PDE4D: variants seen among roughly 807,000 people sequenced by gnomAD.
PDE4D encodes the protein 3',5'-cyclic-AMP phosphodiesterase 4D.
PDE4D carries 24 observed loss-of-function variants against 87.4 expected under a neutral mutation model. The ratio of observed to expected loss-of-function variants is 0.27; its 90% CI spans 0.20 to 0.39. The LOEUF (loss-of-function observed/expected upper bound fraction) is 0.39. Ranked by LOEUF, PDE4D falls within the 10% of genes least tolerant of loss-of-function variation. The pLI is 1.00. For synonymous variants in PDE4D, 384 were observed against 383.2 expected (o/e 1.00, Z -0.02); for missense variants, 714 against 1,041.0 (o/e 0.69, Z 4.32).
In PDE4D at chr5:59,712,393, C is replaced by CATATATAT. The variant is rs5868190; in HGVS notation, c.455+180767_455+180774dup. On this transcript the variant is annotated intron_variant, in intron 1 of 14. Transcript: ENST00000340635. Reference sequence around the variant, plus strand: ...TATAAGAATAAAGGTTAATATTATTCATATATATATATATATATATATATA... The same window carrying CATATATAT: ...TATAAGAATAAAGGTTAATATTATTCATATATATATATATATATATATATATATATATA... 9.8e-3 allele frequency among the ~76,000 whole-genome samples: 1,196 copies of CATATATAT among 122,420 alleles called. 9 individuals are homozygous for CATATATAT. The highest frequency in any genetic ancestry group is 0.021 in the African/African-American group (671 of 32,184). 80.3% of individuals were successfully genotyped at this position (122,420 alleles called of 152,430 possible).
intron 1 of PDE4D, among the ~76,000 whole-genome samples, chr5:60,224,368 G>A (rs948302547): frequency 6.6e-6 from 1 of 151,940 alleles, no homozygotes. Flanking sequence ...AAAACTTAAT[G>A]GCCACAACAA....
intron 1 of PDE4D, among the ~76,000 whole-genome samples, chr5:59,535,093 A>G: frequency 6.7e-6 from 1 of 148,852 alleles, no homozygotes; most frequent in Non-Finnish European, 1.5e-5. Context: ...GGGGTCCTCT[A>G]TCATGTATCT....
intron 3 of PDE4D, among the ~76,000 whole-genome samples, chr5:59,961,543 C>G (rs1236581095): frequency 1.3e-5 from 2 of 152,082 alleles, no homozygotes; most frequent in African/African-American, 2.4e-5. Flanking sequence ...TCGAGCCACC[C>G]ATTTGTGGTC....
At chr5:60,499,019 C>A (rs181908783) in intron 1 of PDE4D, among the ~76,000 whole-genome samples, 1 of 152,202 alleles carries the variant, frequency 6.6e-6, no homozygotes, top group Non-Finnish European at 1.5e-5. Context: ...AAACTCTTAC[C>A]AAACCCAAAC....
chr5:59,062,047 C>T (rs890367658), intron 5 of PDE4D, among the ~76,000 whole-genome samples: 2 of 152,036 alleles, frequency 1.3e-5, no homozygotes, highest in African/African-American at 4.8e-5. Context: ...CCACTGCTTA[C>T]TGTTAAGGAG....
chr5:59,274,151 C>G (rs1268560158), intron 1 of PDE4D, among the ~76,000 whole-genome samples: 1 of 152,068 alleles, frequency 6.6e-6, no homozygotes, highest in Non-Finnish European at 1.5e-5. Context: ...GGACAGGACT[C>G]TCCAAATTTG....
At chr5:59,563,980 G>C (rs1820477830) in intron 1 of PDE4D, among the ~76,000 whole-genome samples, 1 of 152,180 alleles carries the variant, frequency 6.6e-6, no homozygotes, top group Non-Finnish European at 1.5e-5. Context: ...CACATTGAGT[G>C]TGAACAAGCA....
intron 1 of PDE4D, among the ~76,000 whole-genome samples, chr5:59,269,303 C>T (rs1331785860): frequency 6.6e-6 from 1 of 152,098 alleles, no homozygotes; most frequent in Non-Finnish European, 1.5e-5. Context: ...ATGCATCATA[C>T]AGTGTTTAGT....
chr5:59,346,824 A>T (rs1188031103), intron 1 of PDE4D, among the ~76,000 whole-genome samples: 2 of 152,196 alleles, frequency 1.3e-5, no homozygotes, highest in Non-Finnish European at 2.9e-5. Flanking sequence ...AACTGAGGAA[A>T]GTTAGGAGGG....
chr5:59,037,207 G>A (rs1758679953), intron 6 of PDE4D, among the ~76,000 whole-genome samples: 2 of 152,246 alleles, frequency 1.3e-5, no homozygotes, highest in South Asian at 4.1e-4. Flanking sequence ...ATGGATTTTA[G>A]GGAAAGTAAC....
chr5:60,198,355 C>A lies in PDE4D; in HGVS notation c.-89-12668G>T, dbSNP rs916172778. Among the ~76,000 whole-genome samples the A allele has an allele frequency of 2.6e-4, 39 of 151,196 alleles. 2 individuals are homozygous for A. Among genetic ancestry groups the A allele is most frequent in the Admixed American group, 1.7e-3 (25 of 15,150 alleles). On this transcript the variant is annotated intron_variant, in intron 1 of 16. Transcript: ENST00000502484. ...GTAATTTATGTAAGAGATGTTGATT[C>A]GGAGAGATGAAGAGACAAAACTAAT...
At chr5:60,476,340 G>T (rs958324928) in intron 1 of PDE4D, among the ~76,000 whole-genome samples, 11 of 152,100 alleles carry the variant, frequency 7.2e-5, no homozygotes, top group African/African-American at 9.7e-5. Context: ...TCTAAATTTG[G>T]CTTCTTTAAA....
chr5:59,703,757 C>G lies in PDE4D; in HGVS notation c.455+189411G>C, dbSNP rs116805736. On this transcript the variant is annotated intron_variant, in intron 1 of 14. Transcript: ENST00000340635. ...TTTGCTAGTGGTGTTCAGCAGGGCT[C>G]TGTCTGTCCTCTTCAATGTGTGCAT... 3.0e-3 allele frequency: 1,117 copies of G among 376,716 alleles called. 11 individuals are homozygous for G. Among genetic ancestry groups the G allele is most frequent in the African/African-American group, 0.022 (1,009 of 46,820 alleles). The allele number at this position is 376,716 out of a possible 1,614,324, so 23.3% of individuals were successfully genotyped here.
intron 2 of PDE4D, among the ~76,000 whole-genome samples, chr5:60,108,220 C>A (rs1021665440): frequency 1.3e-4 from 19 of 151,362 alleles, no homozygotes; most frequent in African/African-American, 4.6e-4. Context: ...CAACAACAGA[C>A]AAACAGAGAG....
chr5:59,133,966 G>A (rs144325767), intron 5 of PDE4D, among the ~76,000 whole-genome samples: 35 of 147,134 alleles, frequency 2.4e-4, no homozygotes, highest in African/African-American at 8.4e-4. Context: ...AATGTCCCTT[G>A]TAACTTAGCA....
intron 1 of PDE4D, among the ~76,000 whole-genome samples, chr5:59,833,695 T>C (rs1741588840): frequency 6.6e-6 from 1 of 151,854 alleles, no homozygotes; most frequent in Non-Finnish European, 1.5e-5. Context: ...ATGTGTGTGG[T>C]ATGTGTGGTG....
intron 3 of PDE4D, among the ~76,000 whole-genome samples, chr5:59,952,039 G>A (rs546638340): frequency 6.6e-6 from 1 of 152,206 alleles, no homozygotes; most frequent in South Asian, 2.1e-4. Context: ...GGAAAGACCA[G>A]GTAGAAGTAA....
At chr5:59,311,633 C>T (rs973050025) in intron 1 of PDE4D, among the ~76,000 whole-genome samples, 13 of 151,976 alleles carry the variant, frequency 8.6e-5, no homozygotes, top group African/African-American at 3.1e-4. Flanking sequence ...GGGACTGACC[C>T]CTTGGATGCA....
intron 2 of PDE4D, among the ~76,000 whole-genome samples, chr5:60,017,583 T>TAA (rs1363545359): frequency 6.6e-6 from 1 of 152,188 alleles, no homozygotes; most frequent in Admixed American, 6.5e-5. Flanking sequence ...TTGCTGAGAA[T>TAA]AATGGCTTCC....
Sources: gnomAD v4.1 joint callset for allele counts (sites outside exome capture counted in the v4.1 genomes callset) on GRCh38, gnomAD v4.1.1 for gene constraint, MANE v1.5 for transcripts, NCBI Gene and HGNC (gene_info 2026-07-23, HGNC 2026-07-21) for gene names.